Variants in CFAP299 observed in about 807,000 individuals in gnomAD.
CFAP299 encodes cilia and flagella associated protein 299, also known as cilia- and flagella-associated protein 299.
A neutral mutation model predicts 27.0 loss-of-function variants in CFAP299; 21 were observed. The ratio of observed to expected loss-of-function variants is 0.78; its 90% CI spans 0.55 to 1.12. The LOEUF (loss-of-function observed/expected upper bound fraction) is 1.12. Ranked by LOEUF, CFAP299 falls within the 50% of genes most tolerant of loss-of-function variation. The pLI, the probability that CFAP299 is intolerant of heterozygous loss-of-function variation, is 0.00. For synonymous variants in CFAP299, 104 were observed against 98.1 expected, an observed-to-expected ratio of 1.06 and a Z score of -0.36; for missense variants, 310 against 276.6, an observed-to-expected ratio of 1.12 and a Z score of -0.86.
intron 3 of CFAP299, among the ~76,000 whole-genome samples, chr4:80,845,605 C>T (rs533581078): frequency 3.0e-4 from 45 of 152,098 alleles, no homozygotes; most frequent in African/African-American, 7.5e-4. Flanking sequence ...ATGTTCTTCA[C>T]GCACATCTTC....
At chr4:80,327,204 G>C in the CFAP299 span, among the ~76,000 whole-genome samples, 3 of 152,092 alleles carry the variant, frequency 2.0e-5, no homozygotes, top group East Asian at 1.9e-4. Flanking sequence ...ATATCAGAAG[G>C]ACAAAAAGGA....
At chr4:80,874,403 A>G (rs1733266898) in intron 4 of CFAP299, among the ~76,000 whole-genome samples, 1 of 152,210 alleles carries the variant, frequency 6.6e-6, no homozygotes, top group Non-Finnish European at 1.5e-5. Flanking sequence ...CTGAGTTAGA[A>G]TTAGTATATT....
intron 5 of CFAP299, among the ~76,000 whole-genome samples, chr4:80,951,453 G>T (rs373839163): frequency 6.6e-6 from 1 of 152,122 alleles, no homozygotes; most frequent in Non-Finnish European, 1.5e-5. Context: ...GTTCACAATT[G>T]TTCAAACATA....
rs1183955142 is a variant in CFAP299 at position 80,505,977 on chromosome 4, T to TAC, written c.243-77105_243-77104dup. Among the ~76,000 whole-genome samples, 8 of 150,688 alleles carry TAC rather than the reference T, an allele frequency of 5.3e-5. No individual in the cohort carries two copies. The East Asian group carries it at 1.6e-3, about 29-fold the overall frequency. On this transcript the variant is annotated intron_variant, in intron 2 of 5. Coordinates refer to ENST00000358105, the MANE Select transcript of CFAP299 (RefSeq NM_152770.3). The stretch of plus-strand genomic sequence containing the variant: ...ACAGAGAGACTCTGTTTCTAATGTG[T>TAC]ACACACACACACGTGTGTGCGTGTA...
chr4:80,515,893 G>A lies in CFAP299; in HGVS notation c.243-67200G>A, dbSNP rs114767317. Among the ~76,000 whole-genome samples the A allele has an allele frequency of 1.1e-3, 168 of 152,082 alleles. 1 individual carries two copies. Among genetic ancestry groups the A allele is most frequent in the African/African-American group, 3.8e-3 (157 of 41,498 alleles). ...CTTTGCTGAAGGAGCTGATGGTTGT[G>A]TAAATAACAATAATTTACATGTTAA... On this transcript the variant is annotated intron_variant, in intron 2 of 5. Coordinates refer to ENST00000358105, the MANE Select transcript of CFAP299 (RefSeq NM_152770.3).
chr4:80,799,768 TTA>T (rs1316246714), intron 3 of CFAP299, among the ~76,000 whole-genome samples: 1 of 46,516 alleles, frequency 2.1e-5, no homozygotes, highest in Non-Finnish European at 3.6e-5. Flanking sequence ...TATAAATATA[TTA>T]TATGATATAT....
intron 3 of CFAP299, among the ~76,000 whole-genome samples, chr4:80,752,939 A>C (rs1048661591): frequency 6.6e-6 from 1 of 152,036 alleles, no homozygotes. Flanking sequence ...TTGTGCTATT[A>C]TTGTCATACA....
At chr4:80,852,233 C>T (rs967661110) in intron 3 of CFAP299, among the ~76,000 whole-genome samples, 2 of 152,114 alleles carry the variant, frequency 1.3e-5, no homozygotes, top group African/African-American at 4.8e-5. Context: ...AGTGCAATTC[C>T]CTTGATCAGC....
At chr4:80,673,067 G>T (rs1372259443) in intron 3 of CFAP299, among the ~76,000 whole-genome samples, 1 of 151,774 alleles carries the variant, frequency 6.6e-6, no homozygotes, top group Non-Finnish European at 1.5e-5. Flanking sequence ...GAATGTGTTT[G>T]CTCTTGCTTC....
chr4:80,493,022 C>T (rs556169677), intron 2 of CFAP299, among the ~76,000 whole-genome samples: 1 of 152,128 alleles, frequency 6.6e-6, no homozygotes, highest in African/African-American at 2.4e-5. Context: ...AGTGGTTAGC[C>T]CTAGGAGGGG....
chr4:80,334,689 T>C (rs908883983), upstream of CFAP299, among the ~76,000 whole-genome samples: 1 of 152,192 alleles, frequency 6.6e-6, no homozygotes, highest in African/African-American at 2.4e-5. Flanking sequence ...TCAGAATACA[T>C]TCATTAAACA....
chr4:80,675,128 T>A (rs1251298353), intron 3 of CFAP299, among the ~76,000 whole-genome samples: 1 of 152,200 alleles, frequency 6.6e-6, no homozygotes, highest in East Asian at 1.9e-4. Flanking sequence ...ATTTTCAGCT[T>A]TTCTCCTCTG....
chr4:80,893,665 A>C (rs1265431821), intron 4 of CFAP299, among the ~76,000 whole-genome samples: 1 of 112,240 alleles, frequency 8.9e-6, no homozygotes, highest in Non-Finnish European at 1.7e-5. Context: ...GAATACATGC[A>C]AAAAAAAAAA....
intron 3 of CFAP299, among the ~76,000 whole-genome samples, chr4:80,802,995 T>C (rs1187563003): frequency 6.6e-6 from 1 of 152,040 alleles, no homozygotes; most frequent in African/African-American, 2.4e-5. Context: ...GGGTTAAACA[T>C]CATGCAATAG....
intron 1 of CFAP299, among the ~76,000 whole-genome samples, chr4:80,340,288 G>A (rs1241977576): frequency 1.3e-5 from 2 of 152,142 alleles, no homozygotes; most frequent in African/African-American, 2.4e-5. Context: ...CCCACAGATC[G>A]TTGCAACCCA....
intron 2 of CFAP299, among the ~76,000 whole-genome samples, chr4:80,490,434 T>G (rs1300910528): frequency 6.6e-6 from 1 of 152,228 alleles, no homozygotes; most frequent in Non-Finnish European, 1.5e-5. Flanking sequence ...CGCACACTTT[T>G]GACTTGATGT....
chr4:80,686,425 CTA>C (rs1720200547), intron 3 of CFAP299, among the ~76,000 whole-genome samples: 1 of 152,132 alleles, frequency 6.6e-6, no homozygotes, highest in African/African-American at 2.4e-5. Flanking sequence ...TTTTTTGAGG[CTA>C]TGTTATAAAA....
intron 2 of CFAP299, among the ~76,000 whole-genome samples, chr4:80,459,940 A>C (rs1729356281): frequency 6.6e-6 from 1 of 152,160 alleles, no homozygotes; most frequent in Non-Finnish European, 1.5e-5. Flanking sequence ...AAAGCCATAA[A>C]ATTTATTAAT....
intron 5 of CFAP299, among the ~76,000 whole-genome samples, chr4:80,954,654 C>T (rs1294536408): frequency 2.0e-5 from 3 of 152,016 alleles, no homozygotes; most frequent in African/African-American, 7.2e-5. Context: ...TATGAGGTTG[C>T]TCCAAGGGGA....
Sources: allele counts gnomAD v4.1 joint callset (sites outside exome capture counted in the v4.1 genomes callset), GRCh38; gene constraint gnomAD v4.1.1; transcripts MANE v1.5; gene names NCBI Gene and HGNC (gene_info 2026-07-23, HGNC 2026-07-21).